The following IQCJ variants were observed in gnomAD, a reference collection of about 807,000 sequenced individuals.
The protein encoded by IQCJ is IQ motif containing J, also known as IQ domain-containing protein J.
In IQCJ, 9 loss-of-function variants were observed where a neutral mutation model predicts 11.0. The observed-to-expected ratio is 0.82, with a 90% CI of 0.49 to 1.43. The LOEUF is 1.43. Ranked by LOEUF, IQCJ falls within the 40% of genes most tolerant of loss-of-function variation. The probability of loss-of-function intolerance (pLI) is 0.00; values close to 1 mark genes in which losing one functional copy is unlikely to be tolerated. For synonymous variants in IQCJ, 55 were observed against 51.3 expected, an observed-to-expected ratio of 1.07 and a Z score of -0.31; for missense variants, 146 against 133.2, an observed-to-expected ratio of 1.10 and a Z score of -0.47.
intron 1 of IQCJ, among the ~76,000 whole-genome samples, chr3:159,165,175 T>G (rs1722095176): frequency 1.3e-5 from 2 of 152,234 alleles, no homozygotes; most frequent in African/African-American, 4.8e-5. Flanking sequence ...TTAGTTACCT[T>G]AATTATGATT....
At chr3:159,131,706 G>C (rs1325988789) in intron 1 of IQCJ, among the ~76,000 whole-genome samples, 2 of 152,066 alleles carry the variant, frequency 1.3e-5, no homozygotes, top group African/African-American at 2.4e-5. Flanking sequence ...CTTTCATTAA[G>C]GTCTGTTCCC....
chr3:159,185,681 G>C (rs1367347452), intron 1 of IQCJ, among the ~76,000 whole-genome samples: 1 of 152,144 alleles, frequency 6.6e-6, no homozygotes, highest in Admixed American at 6.5e-5. Flanking sequence ...ATGATTATTT[G>C]CAGGAGGCCT....
chr3:159,233,548 A>T (rs902915092), intron 1 of IQCJ, among the ~76,000 whole-genome samples: 1 of 152,206 alleles, frequency 6.6e-6, no homozygotes, highest in Non-Finnish European at 1.5e-5. Flanking sequence ...AGTTAAAATA[A>T]CTAATGTCAT....
intron 1 of IQCJ, among the ~76,000 whole-genome samples, chr3:159,112,756 T>C (rs12496828): frequency 0.74 from 112,636 of 152,082 alleles, 41,866 homozygotes; most frequent in African/African-American, 0.81. Flanking sequence ...AGTCCTTATG[T>C]TTAATGAATC....
At chr3:159,215,094 C>G (rs1041977833) in intron 1 of IQCJ, among the ~76,000 whole-genome samples, 8 of 152,138 alleles carry the variant, frequency 5.3e-5, no homozygotes, top group African/African-American at 1.7e-4. Flanking sequence ...AAATTTTACA[C>G]TACTTGGGAG....
At chr3:159,164,496 G>T (rs937339573) in intron 1 of IQCJ, among the ~76,000 whole-genome samples, 2 of 152,168 alleles carry the variant, frequency 1.3e-5, no homozygotes, top group African/African-American at 4.8e-5. Context: ...CTCCAGGCGC[G>T]GTGGCTAACA....
chr3:159,153,777 C>T (rs1326914470), intron 1 of IQCJ, among the ~76,000 whole-genome samples: 2 of 152,078 alleles, frequency 1.3e-5, no homozygotes, highest in Non-Finnish European at 1.5e-5. Context: ...AATCAGATGC[C>T]CCTGTAACTA....
At chr3:159,222,218 C>T (rs1396338120) in intron 1 of IQCJ, among the ~76,000 whole-genome samples, 2 of 152,104 alleles carry the variant, frequency 1.3e-5, no homozygotes, top group Admixed American at 6.6e-5. Flanking sequence ...CAGCATTATT[C>T]ACAGTAGCCA....
At chr3:159,138,307 T>G (rs1501288) in intron 1 of IQCJ, among the ~76,000 whole-genome samples, 103,068 of 152,012 alleles carry the variant, frequency 0.68, 35,054 homozygotes, top group Non-Finnish European at 0.71. Context: ...CCAGAAATCT[T>G]CTGGACACTT....
intron 1 of IQCJ, among the ~76,000 whole-genome samples, chr3:159,090,428 A>C (rs1164172643): frequency 6.6e-6 from 1 of 151,564 alleles, no homozygotes; most frequent in Non-Finnish European, 1.5e-5. Context: ...TGGCTCCTCC[A>C]CCCTCACATA....
Position 159,251,266 on chromosome 3 carries a change from C to CT in IQCJ, c.75-1454dup, listed in dbSNP as rs1335006303. ...GGGATCTCTCCAGCACAATTTTTTT[C>CT]TTTTTTTCCCTTTTCTTTACTACCA... On this transcript the variant is annotated intron_variant, in intron 2 of 3. Transcript: ENST00000397832. Among the ~76,000 whole-genome samples the CT allele has an allele frequency of 7.2e-5, 11 of 151,994 alleles. No individual in the cohort carries two copies. The East Asian group carries it at 1.2e-3, about 16-fold the overall frequency.
chr3:159,159,715 G>T (rs1336175182), intron 1 of IQCJ, among the ~76,000 whole-genome samples: 1 of 152,126 alleles, frequency 6.6e-6, no homozygotes, highest in African/African-American at 2.4e-5. Flanking sequence ...TTGGCCATGA[G>T]CCTAGAGGAG....
At chr3:159,136,703 T>C (rs952461467) in intron 1 of IQCJ, among the ~76,000 whole-genome samples, 5 of 152,152 alleles carry the variant, frequency 3.3e-5, no homozygotes, top group African/African-American at 9.7e-5. Flanking sequence ...ACTAAAATTA[T>C]TGAACAAGGG....
At chr3:159,248,318 G>GTTTTCC (rs1727393273) in intron 2 of IQCJ, among the ~76,000 whole-genome samples, 2 of 152,182 alleles carry the variant, frequency 1.3e-5, no homozygotes, top group Non-Finnish European at 2.9e-5. Flanking sequence ...CATGTCATCA[G>GTTTTCC]ATTGAAAGGA....
chr3:159,243,386 C>T (rs766551306), intron 1 of IQCJ, among the ~76,000 whole-genome samples: 1 of 152,088 alleles, frequency 6.6e-6, no homozygotes, highest in Non-Finnish European at 1.5e-5. Context: ...TGCCCATTAA[C>T]AGGAGAATGG....
intron 1 of IQCJ, among the ~76,000 whole-genome samples, chr3:159,202,557 C>A (rs922462211): frequency 1.9e-4 from 29 of 152,146 alleles, no homozygotes; most frequent in Non-Finnish European, 5.9e-5. Context: ...GGTGGCTGTT[C>A]CTTCATGGTT....
chr3:159,092,699 A>AACACAAACACACACACAC (rs1553775249), intron 1 of IQCJ, among the ~76,000 whole-genome samples: 17 of 141,598 alleles, frequency 1.2e-4, no homozygotes, highest in Non-Finnish European at 3.0e-5. Flanking sequence ...CTCCATCACA[A>AACACAAACACACACACAC]ACACACACAC....
intron 1 of IQCJ, among the ~76,000 whole-genome samples, chr3:159,133,311 T>C (rs1196072418): frequency 3.9e-5 from 6 of 152,320 alleles, no homozygotes; most frequent in African/African-American, 1.4e-4. Flanking sequence ...TAACATTGTG[T>C]CAGCTTCATT....
intron 1 of IQCJ, among the ~76,000 whole-genome samples, chr3:159,235,621 AG>A (rs1726534534): frequency 6.6e-6 from 1 of 152,172 alleles, no homozygotes; most frequent in African/African-American, 2.4e-5. Context: ...CCCTTCCAGA[AG>A]TACCCTTCTA....
Sources: gnomAD v4.1 joint callset for allele counts (sites outside exome capture counted in the v4.1 genomes callset) on GRCh38, gnomAD v4.1.1 for gene constraint, MANE v1.5 for transcripts, NCBI Gene and HGNC (gene_info 2026-07-23, HGNC 2026-07-21) for gene names.